Variants in DST observed in about 807,000 individuals in gnomAD.
DST encodes the protein bullous pemphigoid antigen.
DST carries 253 observed loss-of-function variants against 875.2 expected under a neutral mutation model. The ratio of observed to expected loss-of-function variants is 0.29; its 90% confidence interval spans 0.26 to 0.32. The LOEUF is 0.32. DST is among the 10% of genes least tolerant of loss of function. The pLI, the probability that DST is intolerant of heterozygous loss-of-function variation, is 1.00. For synonymous variants in DST, 3,124 were observed against 3,197.1 expected (o/e 0.98, Z 0.77); for missense variants, 8,287 against 9,111.6 (o/e 0.91, Z 3.68).
chr6:56,908,346 C>T (rs1797373151), intron 2 of DST, among the ~76,000 whole-genome samples: 1 of 152,072 alleles, frequency 6.6e-6, no homozygotes, highest in South Asian at 2.1e-4. Context: ...AGTCAACGAA[C>T]TTGGATGCAG....
chr6:56,620,849 C>T (rs901480586), intron 36 of DST: 49 of 790,650 alleles, frequency 6.2e-5, no homozygotes, highest in Non-Finnish European at 9.5e-5. Flanking sequence ...CCACCACCAG[C>T]AGCATCACCT....
In DST at chr6:56,532,408, T is replaced by C. The variant is rs557727492; in HGVS notation, c.17044A>G (p.Ile5682Val). 8 of 1,613,616 alleles carry C rather than the reference T, an allele frequency of 5.0e-6. No homozygotes were observed. Among genetic ancestry groups the C allele is most frequent in the Non-Finnish European group, 6.8e-6 (8 of 1,179,736 alleles). Residue 5682 changes from isoleucine to valine, a missense_variant, in exon 64 of 104, where the codon ATT becomes GTT. By Grantham distance (29) the Ile-to-Val change is conservative (BLOSUM62 3). This residue lies in a region of DST where 777 missense variants were observed against 764.8 expected (regional missense o/e 1.02). Coordinates refer to ENST00000680361, the MANE Select transcript of DST (RefSeq NM_001374736.1). ...TCCAAGAGACTGAGCTGTTTCAAAA[T>C]CTTCACTTTATCTGCGGGCTCTGCT... ...TTAEPADKVKILKQLSLLDSR... is the reference protein window; with the variant it reads ...TTAEPADKVKVLKQLSLLDSR...
intron 9 of DST, among the ~76,000 whole-genome samples, chr6:56,693,841 C>T (rs1036507109): frequency 6.6e-6 from 1 of 151,768 alleles, no homozygotes; most frequent in Admixed American, 6.6e-5. Flanking sequence ...GAGATAAGTG[C>T]TAAATGCTTA....
chr6:56,464,242 A>T (rs2094472569), intron 100 of DST: 4 of 266,228 alleles, frequency 1.5e-5, no homozygotes, highest in Non-Finnish European at 2.9e-5. Flanking sequence ...AATTACACAC[A>T]ATGATTGATG....
intron 2 of DST, among the ~76,000 whole-genome samples, chr6:56,927,753 G>T (rs1592595910): frequency 6.6e-6 from 1 of 152,332 alleles, no homozygotes; most frequent in Middle Eastern, 3.4e-3. Flanking sequence ...AGTCATTCAG[G>T]ATTGGGTCCT....
intron 5 of DST, among the ~76,000 whole-genome samples, chr6:56,717,522 A>C (rs1050674993): frequency 1.3e-5 from 2 of 152,246 alleles, no homozygotes; most frequent in African/African-American, 4.8e-5. Flanking sequence ...GCTAAGGTAC[A>C]GACATAAATG....
chr6:56,938,821 A>C (rs1351766348), intron 2 of DST, among the ~76,000 whole-genome samples: 1 of 152,192 alleles, frequency 6.6e-6, no homozygotes, highest in African/African-American at 2.4e-5. Context: ...CTGGAAGAGG[A>C]GAGACCATGC....
Position 56,605,191 on chromosome 6 carries a change from G to A in DST, c.9437C>T (p.Ser3146Phe). Reference protein sequence around the residue: ...NLEEIFDTSVSKEISDDITSD... With the variant: ...NLEEIFDTSVFKEISDDITSD... ...AGTAATGTCATCACTAATCTCTTTGGAAACTGATGTGTCAAAAATTTCTTC... is the reference window on the plus strand; with the variant it reads ...AGTAATGTCATCACTAATCTCTTTGAAAACTGATGTGTCAAAAATTTCTTC... The change falls in exon 40 of 104, where the codon TCC becomes TTC. Residue 3146 changes from serine (S) to phenylalanine (F), a missense_variant. By Grantham distance (155) the Ser-to-Phe change is radical. This residue lies in a region of DST where 3,138 missense variants were observed against 3,116.6 expected (regional missense o/e 1.01). Coordinates refer to ENST00000680361, the MANE Select transcript of DST (RefSeq NM_001374736.1). The A allele has an allele frequency of 6.2e-7, 1 of 1,611,874 alleles. No individual in the cohort carries two copies. The highest frequency in any genetic ancestry group is 1.1e-5 in the South Asian group (1 of 90,910).
chr6:56,640,787 G>A lies in DST; in HGVS notation c.2028-182C>T, dbSNP rs1293801432. Among the ~76,000 whole-genome samples, 3 of 152,120 alleles carry A rather than the reference G, an allele frequency of 2.0e-5. No homozygotes were observed. The East Asian group carries it at 5.8e-4, about 29-fold the overall frequency. ...CAGGGGAAGAGGGAGGTATAAGGGA[G>A]CATATGGGAACTCTGTATTTTTCAC... is the stretch of plus-strand genomic sequence containing the variant. On this transcript the variant is annotated intron_variant, in intron 17 of 103. Coordinates refer to ENST00000680361, the MANE Select transcript of DST (RefSeq NM_001374736.1).
intron 9 of DST, chr6:56,692,371 C>A: frequency 8.2e-7 from 1 of 1,226,582 alleles, no homozygotes; most frequent in South Asian, 1.4e-5. Context: ...TGAACTCAGA[C>A]TCCACATTTC....
intron 37 of DST, among the ~76,000 whole-genome samples, chr6:56,613,406 C>A (rs2098566173): frequency 6.6e-6 from 1 of 152,114 alleles, no homozygotes; most frequent in Non-Finnish European, 1.5e-5. Flanking sequence ...CATATCACAG[C>A]CAAGTAAGAC....
intron 49 of DST, among the ~76,000 whole-genome samples, chr6:56,582,054 A>G (rs868804907): frequency 6.6e-6 from 1 of 152,160 alleles, no homozygotes; most frequent in Non-Finnish European, 1.5e-5. Flanking sequence ...CTTTTGCTCC[A>G]TATTTCTGGA....
chr6:56,622,768 C>T (rs1433902820), intron 36 of DST, among the ~76,000 whole-genome samples: 1 of 152,064 alleles, frequency 6.6e-6, no homozygotes, highest in Non-Finnish European at 1.5e-5. Context: ...GTGATTAATA[C>T]TTAGCATATT....
At chr6:56,686,177 C>T (rs910252425) in intron 9 of DST, among the ~76,000 whole-genome samples, 1 of 152,192 alleles carries the variant, frequency 6.6e-6, no homozygotes, top group African/African-American at 2.4e-5. Flanking sequence ...GAAGCCATTA[C>T]ACTAAGTGAA....
intron 4 of DST, among the ~76,000 whole-genome samples, chr6:56,750,205 T>C (rs1414081754): frequency 6.6e-6 from 1 of 152,136 alleles, no homozygotes; most frequent in East Asian, 1.9e-4. Context: ...AAACACAACA[T>C]GTAAAACAGA....
intron 4 of DST, among the ~76,000 whole-genome samples, chr6:56,824,908 C>T (rs1213998570): frequency 1.3e-5 from 2 of 151,990 alleles, no homozygotes; most frequent in Non-Finnish European, 2.9e-5. Flanking sequence ...CCAGCCGCCC[C>T]GTCCGGGAGG....
In DST at chr6:56,639,923, A is replaced by T; in HGVS notation, c.2619+6T>A. 6.2e-7 allele frequency: 1 copy of T among 1,611,276 alleles called. No homozygotes were observed. The highest frequency in any genetic ancestry group is 1.1e-5 in the South Asian group (1 of 90,916). ...TGAAATATATACAAATTTTAAATTC[A>T]CATACCTCACTGATTTTAGCTTCTT... is the stretch of plus-strand genomic sequence containing the variant. On this transcript the variant is annotated splice_donor_region_variant and intron_variant, in intron 19 of 103. Coordinates refer to ENST00000680361, the MANE Select transcript of DST (RefSeq NM_001374736.1).
intron 2 of DST, among the ~76,000 whole-genome samples, chr6:56,920,727 CTTTTTTTTTTT>C (rs1201574608): frequency 8.1e-6 from 1 of 124,196 alleles, no homozygotes; most frequent in Non-Finnish European, 1.7e-5. Context: ...TTCTTTCTTC[CTTTTTTTTTTT>C]TTTTTTTTGA....
chr6:56,671,722 A>G (rs1005497268), intron 9 of DST, among the ~76,000 whole-genome samples: 3 of 152,192 alleles, frequency 2.0e-5, no homozygotes, highest in African/African-American at 2.4e-5. Flanking sequence ...TGTTCCCTCA[A>G]TCAGTGCAAG....
Sources: gnomAD v4.1 joint callset for allele counts (sites outside exome capture counted in the v4.1 genomes callset) on GRCh38, gnomAD v4.1.1 for gene constraint, gnomAD v4.1.1 regional missense constraint, MANE v1.5 for transcripts, NCBI Gene and HGNC (gene_info 2026-07-23, HGNC 2026-07-21) for gene names.